The following LEPR variants were observed in gnomAD, a reference collection of about 807,000 sequenced individuals.
LEPR encodes OB receptor.
A neutral mutation model predicts 114.7 loss-of-function variants in LEPR; 56 were observed. That is an observed-to-expected ratio of 0.49 (90% CI 0.39 to 0.61). LEPR has a LOEUF of 0.61. Ranked by LOEUF, LEPR falls within the 20% of genes least tolerant of loss-of-function variation. LEPR has a pLI of 0.00. For missense variants in LEPR, 1,202 were observed against 1,352.9 expected (o/e 0.89, Z 1.75); for synonymous variants, 443 against 461.4 (o/e 0.96, Z 0.51).
intron 15 of LEPR, among the ~76,000 whole-genome samples, chr1:65,617,242 C>G (rs967224152): frequency 1.3e-4 from 20 of 151,956 alleles, no homozygotes; most frequent in African/African-American, 4.8e-4. Context: ...AGATAAGGGC[C>G]TGCAGGAAAG....
intron 1 of LEPR, among the ~76,000 whole-genome samples, chr1:65,421,885 A>G (rs1158662231): frequency 1.3e-5 from 2 of 152,250 alleles, no homozygotes; most frequent in East Asian, 3.8e-4. Context: ...GAAGTCTGAA[A>G]TGGAAACGGA....
At chr1:65,629,250 A>G in intron 19 of LEPR, 1 of 283,850 alleles carries the variant, frequency 3.5e-6, no homozygotes, top group South Asian at 3.1e-5. Context: ...TTTTTAAATA[A>G]AAACATTAGC....
intron 2 of LEPR, among the ~76,000 whole-genome samples, chr1:65,488,141 C>CTCCTTCCTTCCTTCCTTCCTTCCT (rs1263169006): frequency 3.1e-5 from 3 of 97,388 alleles, no homozygotes; most frequent in African/African-American, 1.9e-4. Context: ...CTCCCTCCCT[C>CTCCTTCCTTCCTTCCTTCCTTCCT]TCCTTCCTTC....
At chr1:65,507,541 A>G in intron 2 of LEPR, among the ~76,000 whole-genome samples, 1 of 146,724 alleles carries the variant, frequency 6.8e-6, no homozygotes, top group Middle Eastern at 3.6e-3. Flanking sequence ...ATGTGTGTAT[A>G]TATATATATA....
intron 2 of LEPR, among the ~76,000 whole-genome samples, chr1:65,529,664 AAACTACGTC>A (rs1650249304): frequency 6.6e-6 from 1 of 152,154 alleles, no homozygotes; most frequent in African/African-American, 2.4e-5. Flanking sequence ...TATTCTGCTA[AAACTACGTC>A]AAGGTCTACT....
chr1:65,429,730 TA>T, intron 2 of LEPR: 1 of 743,888 alleles, frequency 1.3e-6, no homozygotes, highest in Non-Finnish European at 2.0e-6. Context: ...TCTTATGTTC[TA>T]ATATTCACAA....
intron 2 of LEPR, among the ~76,000 whole-genome samples, chr1:65,511,837 TA>T (rs2100554494): frequency 6.6e-6 from 1 of 152,304 alleles, no homozygotes; most frequent in East Asian, 1.9e-4. Flanking sequence ...CAGATAGAGC[TA>T]GGGGTGGAGA....
At chr1:65,605,373 T>A in intron 11 of LEPR, 136 bp downstream of exon 11, 1 of 1,099,558 alleles carries the variant, frequency 9.1e-7, no homozygotes, top group South Asian at 1.3e-5. Context: ...TACAGTGGTA[T>A]TGAGAAAATC....
chr1:65,610,101 T>A lies in LEPR; in HGVS notation c.1907T>A (p.Ile636Lys), dbSNP rs1303328034. The A allele has an allele frequency of 1.2e-6, 2 of 1,614,184 alleles. No individual in the cohort carries two copies. The highest frequency in any genetic ancestry group is 1.7e-6 in the Non-Finnish European group (2 of 1,180,010). The change falls in exon 13 of 20, where the codon ATA (isoleucine) becomes AAA (lysine). Residue 636 changes from isoleucine to lysine, a missense_variant. By Grantham distance (102) the Ile-to-Lys change is moderately radical. Transcript: ENST00000349533. ...SNPAYTVVMD[I>K]KVPMRGPEFW... ...CCAGCCTACACAGTTGTCATGGATATAAAAGGTCTGCAGAGATTTTGTAAA... is the reference window on the plus strand; with the variant it reads ...CCAGCCTACACAGTTGTCATGGATAAAAAAGGTCTGCAGAGATTTTGTAAA...
chr1:65,579,215 T>G (rs1654809788), intron 5 of LEPR, among the ~76,000 whole-genome samples: 1 of 152,166 alleles, frequency 6.6e-6, no homozygotes, highest in Non-Finnish European at 1.5e-5. Context: ...GACTGAGTTA[T>G]AAATCTCTAG....
chr1:65,465,812 T>C (rs974656577), intron 2 of LEPR, among the ~76,000 whole-genome samples: 1 of 152,178 alleles, frequency 6.6e-6, no homozygotes, highest in Admixed American at 6.5e-5. Context: ...TCTTTGTTGG[T>C]TTAAAGTCTG....
intron 2 of LEPR, among the ~76,000 whole-genome samples, chr1:65,565,054 TCTC>T (rs1369657811): frequency 3.3e-5 from 5 of 152,304 alleles, no homozygotes; most frequent in Admixed American, 3.3e-4. Context: ...TGGTAAAATT[TCTC>T]CTCTTTATTG....
intron 2 of LEPR, chr1:65,435,463 G>T: frequency 2.1e-6 from 1 of 473,672 alleles, no homozygotes; most frequent in Non-Finnish European, 2.7e-6. Flanking sequence ...CGCCTCCCGG[G>T]TTCACGCCAT....
intron 2 of LEPR, among the ~76,000 whole-genome samples, chr1:65,454,117 T>C (rs1352798976): frequency 6.6e-6 from 1 of 151,576 alleles, no homozygotes; most frequent in Non-Finnish European, 1.5e-5. Flanking sequence ...CTGCCTTTTT[T>C]TGTTTTCCAT....
At chr1:65,466,933 AC>A (rs1254338315) in intron 2 of LEPR, among the ~76,000 whole-genome samples, 1 of 151,812 alleles carries the variant, frequency 6.6e-6, no homozygotes, top group Non-Finnish European at 1.5e-5. Flanking sequence ...CATTCTTCTC[AC>A]CTTTTTTCAA....
chr1:65,618,189 A>G (rs764456176), intron 16 of LEPR, 43 bp downstream of exon 16: 5 of 1,542,544 alleles, frequency 3.2e-6, no homozygotes, highest in East Asian at 2.3e-5. Context: ...ATGGATTAAT[A>G]TGACACTACA....
At chr1:65,481,683 T>C (rs1486159113) in intron 2 of LEPR, among the ~76,000 whole-genome samples, 1 of 151,976 alleles carries the variant, frequency 6.6e-6, no homozygotes, top group East Asian at 1.9e-4. Flanking sequence ...TATTTAAAAG[T>C]AATTACAGCA....
chr1:65,571,547 A>G (rs965842515), intron 4 of LEPR, among the ~76,000 whole-genome samples: 5 of 151,668 alleles, frequency 3.3e-5, no homozygotes, highest in Admixed American at 6.6e-5. Flanking sequence ...AAATACAGGC[A>G]TATCTTTTCC....
intron 2 of LEPR, chr1:65,435,725 A>G: frequency 1.0e-6 from 1 of 985,420 alleles, no homozygotes; most frequent in Non-Finnish European, 1.2e-6. Context: ...GAACCAAAAT[A>G]TTTATGAGGA....
Sources: allele counts gnomAD v4.1 joint callset (sites outside exome capture counted in the v4.1 genomes callset), GRCh38; gene constraint gnomAD v4.1.1; transcripts MANE v1.5; gene names NCBI Gene and HGNC (gene_info 2026-07-23, HGNC 2026-07-21).